CEP128: variants seen among roughly 807,000 people sequenced by gnomAD.
CEP128 encodes the protein centrosomal protein 128kDa.
A neutral mutation model predicts 156.7 loss-of-function variants in CEP128; 132 were observed. The ratio of observed to expected loss-of-function variants is 0.84; its 90% confidence interval spans 0.73 to 0.97. The LOEUF (loss-of-function observed/expected upper bound fraction) is 0.97, where lower values mean the gene tolerates loss of function less well. Among genes scored for constraint, CEP128 ranks in the 50% least tolerant of loss-of-function variants. The pLI is 0.00. For synonymous variants in CEP128, 469 were observed against 448.9 expected, an observed-to-expected ratio of 1.04 and a Z score of -0.57; for missense variants, 1,252 against 1,281.9, an observed-to-expected ratio of 0.98 and a Z score of 0.36.
At chr14:80,492,339 C>A (rs1323449123), downstream of CEP128, among the ~76,000 whole-genome samples, 2 of 152,060 alleles carry the variant, frequency 1.3e-5, no homozygotes, top group Non-Finnish European at 2.9e-5. Context: ...GTTAATAGAC[C>A]AGGTCACACC....
intron 19 of CEP128, among the ~76,000 whole-genome samples, chr14:80,613,476 T>C (rs1433271972): frequency 6.6e-6 from 1 of 150,822 alleles, no homozygotes; most frequent in Non-Finnish European, 1.5e-5. Flanking sequence ...CTAATTTTTT[T>C]TTTTTTGTAT....
chr14:80,691,134 T>C (rs115426645), intron 19 of CEP128, among the ~76,000 whole-genome samples: 11,328 of 152,268 alleles, frequency 0.074, 585 homozygotes, highest in South Asian at 0.23. Context: ...ATGTTAATTT[T>C]ATGCTAAAAT....
At chr14:80,495,735 T>C (rs572602053), downstream of CEP128, among the ~76,000 whole-genome samples, 6 of 152,266 alleles carry the variant, frequency 3.9e-5, no homozygotes, top group Non-Finnish European at 8.8e-5. Flanking sequence ...AGAGAATGGA[T>C]GCATGAAGGC....
intron 19 of CEP128, among the ~76,000 whole-genome samples, chr14:80,713,646 G>T (rs1304558184): frequency 6.6e-6 from 1 of 152,144 alleles, no homozygotes; most frequent in African/African-American, 2.4e-5. Context: ...GAGGGACAAG[G>T]TCTTATTGTT....
intron 18 of CEP128, among the ~76,000 whole-genome samples, chr14:80,751,631 C>A (rs958505811): frequency 7.2e-6 from 1 of 138,714 alleles, no homozygotes; most frequent in African/African-American, 2.7e-5. Flanking sequence ...GTAAATATGT[C>A]TTTTTTTTTT....
intron 19 of CEP128, among the ~76,000 whole-genome samples, chr14:80,628,333 C>T (rs1893818490): frequency 6.6e-6 from 1 of 152,140 alleles, no homozygotes; most frequent in African/African-American, 2.4e-5. Flanking sequence ...CACTACTGTA[C>T]ATTTTATTAG....
At chr14:80,797,825 GTAA>G (rs1883580746) in intron 13 of CEP128, among the ~76,000 whole-genome samples, 1 of 152,168 alleles carries the variant, frequency 6.6e-6, no homozygotes, top group African/African-American at 2.4e-5. Flanking sequence ...TAAGGCACAA[GTAA>G]TAAATATTAT....
chr14:80,924,734 G>C (rs759919), intron 2 of CEP128, among the ~76,000 whole-genome samples: 1 of 150,856 alleles, frequency 6.6e-6, no homozygotes, highest in East Asian at 2.0e-4. Flanking sequence ...TTTCATGGGG[G>C]TTTTTTTTAA....
rs141272827 is a variant in CEP128, at chr14:80,601,376, G to A, written c.2807-20953C>T. 4.5e-4 allele frequency among the ~76,000 whole-genome samples: 68 copies of A among 152,194 alleles called. 1 individual carries two copies. Among genetic ancestry groups the A allele is most frequent in the African/African-American group, 1.3e-3 (54 of 41,534 alleles). On this transcript the variant is annotated intron_variant, in intron 19 of 24. Coordinates refer to ENST00000555265, the MANE Select transcript of CEP128 (RefSeq NM_152446.5). ...GTGTCCAATCTTTTGGCTTCCCTGG[G>A]CCACACTGGAAGAAGAATTTTCGTG...
In CEP128 at chr14:80,777,993, CT is replaced by C; in HGVS notation, c.2264del (p.Glu755GlyfsTer3). 6.2e-7 allele frequency: 1 copy of C among 1,613,592 alleles called. No individual in the cohort carries two copies. The highest frequency in any genetic ancestry group is 8.5e-7 in the Non-Finnish European group (1 of 1,179,834). ...GTCTGTCACACTGTGATTTCAACTT[CT>C]CCAGCTGACCACGATGAATTTTAGC... is the stretch of plus-strand genomic sequence containing the variant. ...NMAKIHRGQL[E>X]KLKSQCDRLT... On this transcript the variant is annotated frameshift_variant, in exon 16 of 25. Coordinates refer to ENST00000555265, the MANE Select transcript of CEP128 (RefSeq NM_152446.5). LOFTEE classifies it high-confidence loss of function.
At chr14:80,702,446 C>T (rs189756464) in intron 19 of CEP128, among the ~76,000 whole-genome samples, 124 of 152,236 alleles carry the variant, frequency 8.1e-4, no homozygotes, top group African/African-American at 2.8e-3. Flanking sequence ...GTCACCCTTC[C>T]CAGTTTCCCA....
At chr14:80,588,637 A>G (rs1309842775) in intron 19 of CEP128, among the ~76,000 whole-genome samples, 2 of 152,120 alleles carry the variant, frequency 1.3e-5, no homozygotes, top group African/African-American at 4.8e-5. Flanking sequence ...AAGTTCAGAC[A>G]TATGGTGTTT....
intron 13 of CEP128, among the ~76,000 whole-genome samples, chr14:80,827,378 T>A (rs373935706): frequency 6.6e-6 from 1 of 152,200 alleles, no homozygotes; most frequent in Admixed American, 6.5e-5. Flanking sequence ...TCAACAGGAA[T>A]AGAAGCTTTA....
chr14:80,490,452 A>G (rs1887287216), downstream of CEP128: 2 of 152,218 alleles, frequency 1.3e-5, no homozygotes, highest in African/African-American at 4.8e-5. Context: ...GGAGTGAGAG[A>G]AAACAGAATT....
intron 19 of CEP128, among the ~76,000 whole-genome samples, chr14:80,593,212 T>C (rs765877292): frequency 4.6e-5 from 7 of 152,066 alleles, no homozygotes; most frequent in Non-Finnish European, 8.8e-5. Context: ...GGAAGTCAAA[T>C]TGTCTCTGTT....
intron 19 of CEP128, among the ~76,000 whole-genome samples, chr14:80,735,269 GTC>G (rs1898475169): frequency 6.6e-6 from 1 of 152,138 alleles, no homozygotes; most frequent in Non-Finnish European, 1.5e-5. Context: ...AATAAGGACT[GTC>G]TCCATTTCGG....
At chr14:80,893,291 C>CAG (rs1463693108) in intron 8 of CEP128, among the ~76,000 whole-genome samples, 1 of 151,520 alleles carries the variant, frequency 6.6e-6, no homozygotes, top group South Asian at 2.1e-4. Context: ...ATCAAATATA[C>CAG]AGAGAGAGAG....
At chr14:80,774,820 C>G (rs1185297509) in intron 16 of CEP128, among the ~76,000 whole-genome samples, 1 of 152,164 alleles carries the variant, frequency 6.6e-6, no homozygotes, top group African/African-American at 2.4e-5. Flanking sequence ...AACACATGTG[C>G]CTTCAATATC....
chr14:80,840,113 A>G (rs1249137894), intron 10 of CEP128, among the ~76,000 whole-genome samples: 2 of 152,188 alleles, frequency 1.3e-5, no homozygotes, highest in African/African-American at 4.8e-5. Context: ...TTTTCACTTC[A>G]TCATTCATTA....
Sources: allele counts gnomAD v4.1 joint callset (sites outside exome capture counted in the v4.1 genomes callset), GRCh38; gene constraint gnomAD v4.1.1; transcripts MANE v1.5; gene names NCBI Gene and HGNC (gene_info 2026-07-23, HGNC 2026-07-21).